The following SH3GL2 variants were observed in gnomAD, a reference collection of about 807,000 sequenced individuals.
SH3GL2 encodes SH3 domain containing GRB2 like 2, endophilin A1, also known as endophilin-A1.
Under a neutral mutation model 46.0 loss-of-function variants are expected in SH3GL2, and 24 were observed. That is an observed-to-expected ratio of 0.52 (90% CI 0.38 to 0.73). The LOEUF is 0.73. SH3GL2 is among the 30% of genes least tolerant of loss of function. SH3GL2 has a pLI of 0.00. For missense variants in SH3GL2, 413 were observed against 424.2 expected (o/e 0.97, Z 0.23); for synonymous variants, 196 against 147.1 (o/e 1.33, Z -2.40).
intron 1 of SH3GL2, among the ~76,000 whole-genome samples, chr9:17,643,348 T>TC (rs1819731470): frequency 6.6e-6 from 1 of 152,196 alleles, no homozygotes; most frequent in African/African-American, 2.4e-5. Context: ...TAGTTTGAGT[T>TC]CTTCTCTTCC....
At chr9:17,758,874 G>C (rs10963253) in intron 2 of SH3GL2, among the ~76,000 whole-genome samples, 1 of 152,102 alleles carries the variant, frequency 6.6e-6, no homozygotes, top group Non-Finnish European at 1.5e-5. Flanking sequence ...TCTTTCTTTA[G>C]ACAAGTCACA....
At chr9:17,597,016 T>C (rs532331020) in intron 1 of SH3GL2, among the ~76,000 whole-genome samples, 1 of 152,302 alleles carries the variant, frequency 6.6e-6, no homozygotes, top group African/African-American at 2.4e-5. Flanking sequence ...GTGAAATCAT[T>C]TCTAGAGTGA....
chr9:17,620,843 G>C (rs1237592057), intron 1 of SH3GL2, among the ~76,000 whole-genome samples: 1 of 152,166 alleles, frequency 6.6e-6, no homozygotes, highest in African/African-American at 2.4e-5. Flanking sequence ...GCATGTTTTA[G>C]ATTGGTGATG....
intron 1 of SH3GL2, among the ~76,000 whole-genome samples, chr9:17,628,194 A>G (rs559166674): frequency 6.6e-6 from 1 of 152,318 alleles, no homozygotes; most frequent in East Asian, 1.9e-4. Flanking sequence ...ATGAGCCAGA[A>G]TGGATCAGAC....
In SH3GL2 at chr9:17,716,093, CTATT is replaced by C. The variant is rs371828262; in HGVS notation, c.46-30970_46-30967del. 2.7e-3 allele frequency among the ~76,000 whole-genome samples: 416 copies of C among 152,148 alleles called. 4 individuals carry two copies. The highest frequency in any genetic ancestry group is 7.7e-3 in the African/African-American group (319 of 41,548). ...GTGTGTATGTATATATTCTACATCT[CTATT>C]TAACTTTTTGAACAAATGGAAAGTA... On this transcript the variant is annotated intron_variant, in intron 1 of 8. Transcript: ENST00000380607.
At chr9:17,654,186 TG>T (rs1210941031) in intron 1 of SH3GL2, among the ~76,000 whole-genome samples, 1 of 152,170 alleles carries the variant, frequency 6.6e-6, no homozygotes, top group Non-Finnish European at 1.5e-5. Context: ...ACTGATACTT[TG>T]GCTGCTCCTG....
At chr9:17,630,138 A>T (rs1554632131) in intron 1 of SH3GL2, among the ~76,000 whole-genome samples, 2 of 152,222 alleles carry the variant, frequency 1.3e-5, no homozygotes, top group Non-Finnish European at 2.9e-5. Flanking sequence ...AGAATCTAAC[A>T]TATAATTAGA....
intron 3 of SH3GL2, among the ~76,000 whole-genome samples, chr9:17,768,093 T>G (rs1823367906): frequency 6.6e-6 from 1 of 152,108 alleles, no homozygotes; most frequent in South Asian, 2.1e-4. Context: ...TAATCAGGGC[T>G]GGGCACAGTA....
intron 1 of SH3GL2, among the ~76,000 whole-genome samples, chr9:17,644,134 G>C (rs1420015311): frequency 1.3e-5 from 2 of 152,142 alleles, no homozygotes; most frequent in Non-Finnish European, 2.9e-5. Flanking sequence ...GATGTTTATA[G>C]TATTCTCTGA....
intron 2 of SH3GL2, among the ~76,000 whole-genome samples, chr9:17,751,470 T>TTGTTTGTGCGTGCG (rs1433444435): frequency 5.3e-5 from 7 of 132,926 alleles, no homozygotes; most frequent in African/African-American, 2.1e-4. Context: ...GTGTGTGTTT[T>TTGTTTGTGCGTGCG]TGTGTGTGCG....
intron 1 of SH3GL2, among the ~76,000 whole-genome samples, chr9:17,685,768 C>G (rs529834023): frequency 6.6e-6 from 1 of 151,828 alleles, no homozygotes; most frequent in Non-Finnish European, 1.5e-5. Context: ...AGATATGCGG[C>G]GTTATTTCTG....
chr9:17,761,515 G>C lies in SH3GL2; in HGVS notation c.187+6G>C. The C allele has an allele frequency of 2.0e-6, 3 of 1,532,122 alleles. No homozygotes were observed. Among genetic ancestry groups the C allele is most frequent in the South Asian group, 1.1e-5 (1 of 89,460 alleles). 94.9% of individuals were successfully genotyped at this position (1,532,122 alleles called of 1,614,324 possible). On this transcript the variant is annotated splice_donor_region_variant and intron_variant, in intron 3 of 8. Transcript: ENST00000380607. The stretch of plus-strand genomic sequence containing the variant: ...ATACCTTCAACCCAATCCAGGTAAG[G>C]CATCATCTTATATGTTTAAAGGATC...
intron 1 of SH3GL2, among the ~76,000 whole-genome samples, chr9:17,711,657 T>C (rs986980848): frequency 1.3e-5 from 2 of 151,930 alleles, no homozygotes; most frequent in African/African-American, 4.8e-5. Flanking sequence ...TTCCTTTATA[T>C]TGCCAAATAG....
intron 1 of SH3GL2, chr9:17,589,188 T>G (rs1387439098): frequency 6.6e-6 from 1 of 152,222 alleles, no homozygotes; most frequent in Non-Finnish European, 1.5e-5. Flanking sequence ...ATGTTCCATG[T>G]GCCTTTTGAA....
At chr9:17,599,180 G>A (rs1023725114) in intron 1 of SH3GL2, among the ~76,000 whole-genome samples, 3 of 152,154 alleles carry the variant, frequency 2.0e-5, no homozygotes, top group Non-Finnish European at 2.9e-5. Context: ...AGGTAAAAGA[G>A]TGTAAAAAGA....
At chr9:17,586,741 T>G (rs561564083) in intron 1 of SH3GL2, among the ~76,000 whole-genome samples, 1 of 152,258 alleles carries the variant, frequency 6.6e-6, no homozygotes, top group African/African-American at 2.4e-5. Flanking sequence ...ACGAGAACAG[T>G]GTGGCGGTAA....
chr9:17,626,633 G>A (rs1183336984), intron 1 of SH3GL2, among the ~76,000 whole-genome samples: 3 of 152,192 alleles, frequency 2.0e-5, no homozygotes, highest in African/African-American at 7.2e-5. Context: ...AATAAGGAAT[G>A]TGTAAGGATC....
At chr9:17,747,608 C>G (rs1822729588) in intron 2 of SH3GL2, among the ~76,000 whole-genome samples, 1 of 152,124 alleles carries the variant, frequency 6.6e-6, no homozygotes, top group African/African-American at 2.4e-5. Flanking sequence ...CCCAAACTCC[C>G]CTTCCTGCCA....
chr9:17,792,646 AC>A (rs1824165814), intron 7 of SH3GL2, among the ~76,000 whole-genome samples: 1 of 151,806 alleles, frequency 6.6e-6, no homozygotes, highest in Non-Finnish European at 1.5e-5. Flanking sequence ...CTCTGTCCAA[AC>A]CTTCTCATGT....
Sources: allele counts gnomAD v4.1 joint callset (sites outside exome capture counted in the v4.1 genomes callset), GRCh38; gene constraint gnomAD v4.1.1; transcripts MANE v1.5; gene names NCBI Gene and HGNC (gene_info 2026-07-23, HGNC 2026-07-21).